CCDC9B: variants seen among roughly 807,000 people sequenced by gnomAD.
The protein encoded by CCDC9B is coiled-coil domain-containing protein 9B.
In CCDC9B, 40 loss-of-function variants were observed where a neutral mutation model predicts 47.2. The observed-to-expected ratio is 0.85, with a 90% CI of 0.66 to 1.10. The LOEUF is 1.10. CCDC9B is among the 50% of genes least tolerant of loss of function. The pLI is 0.00. For missense variants in CCDC9B, 662 were observed against 651.0 expected, an observed-to-expected ratio of 1.02 and a Z score of -0.18; for synonymous variants, 238 against 250.7, an observed-to-expected ratio of 0.95 and a Z score of 0.48.
Position 40,335,149 on chromosome 15 carries a change from G to A in CCDC9B, c.*9C>T, listed in dbSNP as rs1043614440. On this transcript the variant is annotated 3_prime_UTR_variant, in exon 11 of 11. Coordinates refer to ENST00000397536, the MANE Select transcript of CCDC9B (RefSeq NM_207380.3). ...TCCCCGGGGACTCCCCAGCTCCCAGGAGCTGTGTTCAGCATCTTCCTGCCG... is the reference window on the plus strand; with the variant it reads ...TCCCCGGGGACTCCCCAGCTCCCAGAAGCTGTGTTCAGCATCTTCCTGCCG... The A allele has an allele frequency of 6.0e-6, 9 of 1,495,770 alleles. No homozygotes were observed. Among genetic ancestry groups the A allele is most frequent in the Non-Finnish European group, 5.3e-6 (6 of 1,122,974 alleles). The allele number at this position is 1,495,770 out of a possible 1,614,324, so 92.7% of individuals were successfully genotyped here.
At chr15:40,337,202 G>A (rs1449167041) in intron 7 of CCDC9B, 186 bp downstream of exon 7, 3 of 726,602 alleles carry the variant, frequency 4.1e-6, no homozygotes, top group Admixed American at 2.0e-5. Flanking sequence ...AGAGCTGTGG[G>A]CTCAGAGGGG....
intron 4 of CCDC9B, 36 bp downstream of exon 4, chr15:40,338,712 C>T (rs72733403): frequency 0.25 from 408,977 of 1,609,242 alleles, 54,885 homozygotes; most frequent in Non-Finnish European, 0.28. Context: ...GAAGAGGCTG[C>T]CTGCCGATGC....
At chr15:40,336,840 A>C in intron 7 of CCDC9B, 27 bp from the exon 8 acceptor site, 1 of 1,585,320 alleles carries the variant, frequency 6.3e-7, no homozygotes, top group Non-Finnish European at 8.6e-7. Context: ...AAGTGGGGAA[A>C]GGTGGGGTGA....
intron 3 of CCDC9B, 87 bp downstream of exon 3, chr15:40,339,425 A>T: frequency 7.2e-7 from 1 of 1,383,322 alleles, no homozygotes; most frequent in Non-Finnish European, 1.0e-6. Context: ...TTAGTAGGAG[A>T]GGGGAACAGA....
Position 40,337,879 on chromosome 15 carries a change from G to C in CCDC9B, c.528C>G (p.Pro176=), listed in dbSNP as rs1289355132. ...GGGGCTCCCCCACCGGCCGGCTCCA[G>C]GGCTCCCAAGAACCCTGTAGGGAGA... ...SDSARKGSWE[P]WSRPVGEPPE... Residue 176 remains proline, a synonymous_variant, in exon 6 of 11, where the codon CCC becomes CCG. Transcript: ENST00000397536. 1 of 1,599,122 alleles carries C rather than the reference G, an allele frequency of 6.3e-7. No individual in the cohort carries two copies. The highest frequency in any genetic ancestry group is 1.7e-5 in the Admixed American group (1 of 58,726).
Position 40,335,104 on chromosome 15 carries a change from A to G in CCDC9B, c.*54T>C. ...GGCCATCACGCGGAGGGCCTTTAAC[A>G]GAGTGATTCCCTTTTCCTCTCCCCG... is the stretch of plus-strand genomic sequence containing the variant. On this transcript the variant is annotated 3_prime_UTR_variant, in exon 11 of 11. Coordinates refer to ENST00000397536, the MANE Select transcript of CCDC9B (RefSeq NM_207380.3). 1 of 1,451,168 alleles carries G rather than the reference A, an allele frequency of 6.9e-7. No homozygotes were observed. The highest frequency in any genetic ancestry group is 2.3e-5 in the Admixed American group (1 of 43,032). 89.9% of individuals were successfully genotyped at this position (1,451,168 alleles called of 1,614,324 possible).
Position 40,337,832 on chromosome 15 carries a change from G to A in CCDC9B, c.575C>T (p.Ala192Val), listed in dbSNP as rs1888998049. The A allele has an allele frequency of 6.2e-7, 1 of 1,610,366 alleles. No homozygotes were observed. The highest frequency in any genetic ancestry group is 8.5e-7 in the Non-Finnish European group (1 of 1,179,572). The change falls in exon 6 of 11, where the codon GCC becomes GTC. Residue 192 changes from alanine (A) to valine (V), a missense_variant. By Grantham distance (64) the Ala-to-Val change is moderately conservative. Transcript: ENST00000397536. Reference protein sequence around the residue: ...GEPPEAGWDYAQWKQEREQID... With the variant: ...GEPPEAGWDYVQWKQEREQID... ...CTGCTCCCGCTCCTGCTTCCACTGG[G>A]CATAGTCCCAGCCCGCCTCCGGGGG...
chr15:40,340,295 G>A, intron 1 of CCDC9B: 1 of 470,774 alleles, frequency 2.1e-6, no homozygotes, highest in Non-Finnish European at 3.8e-6. Flanking sequence ...CAGCTCTCCA[G>A]GGAGCTTCAC....
intron 5 of CCDC9B, 52 bp from the exon 6 acceptor site, chr15:40,337,945 G>A (rs1462181294): frequency 6.5e-7 from 1 of 1,542,984 alleles, no homozygotes; most frequent in Non-Finnish European, 8.8e-7. Flanking sequence ...AGAGGCTTGG[G>A]GTGGGGTTTG....
At chr15:40,340,489 A>G (rs754442955) in intron 1 of CCDC9B, 4 of 420,960 alleles carry the variant, frequency 9.5e-6, no homozygotes, top group Non-Finnish European at 1.7e-5. Context: ...CCCCGCACCT[A>G]GGCCTGTGCC....
At position 40,339,586 on chromosome 15, in the gene CCDC9B, C is replaced by G. The variant is rs552041536; in HGVS notation, c.157G>C (p.Gly53Arg). The G allele has an allele frequency of 1.5e-5, 24 of 1,613,726 alleles. No homozygotes were observed. Among genetic ancestry groups the G allele is most frequent in the African/African-American group, 1.1e-4 (8 of 75,000 alleles). The change falls in exon 3 of 11, where the codon GGG becomes CGG. Residue 53 changes from glycine (G) to arginine (R), a missense_variant. Coordinates refer to ENST00000397536, the MANE Select transcript of CCDC9B (RefSeq NM_207380.3). Reference protein sequence around the residue: ...IQEDRRQAEQGGMAVTTPALL... With the variant: ...IQEDRRQAEQRGMAVTTPALL... ...GCTGGTGTGGTCACAGCCATCCCCC[C>G]CTGCTCTGCCTGCCGACGGTCCTCC...
At position 40,338,768 on chromosome 15, in the gene CCDC9B, T is replaced by C; in HGVS notation, c.367A>G (p.Thr123Ala). The C allele has an allele frequency of 6.2e-7, 1 of 1,613,570 alleles. No individual in the cohort carries two copies. Residue 123 changes from threonine to alanine, a missense_variant, in exon 4 of 11, where the codon ACC (threonine) becomes GCC (alanine). By Grantham distance (58) the Thr-to-Ala change is moderately conservative. Coordinates refer to ENST00000397536, the MANE Select transcript of CCDC9B (RefSeq NM_207380.3). The stretch of plus-strand genomic sequence containing the variant: ...CTCACCTCTGCTTTGTTCTCCATGG[T>C]CACAGCCAGCTCCACCAGCTCCCCT... ...CLGELVELAV[T>A]MENKAEGKRI...
At position 40,338,859 on chromosome 15, in the gene CCDC9B, TC is replaced by T. The variant is rs1566908307; in HGVS notation, c.275del (p.Gly92AspfsTer4). On this transcript the variant is annotated frameshift_variant, in exon 4 of 11. Coordinates refer to ENST00000397536, the MANE Select transcript of CCDC9B (RefSeq NM_207380.3). LOFTEE classifies it high-confidence loss of function. ...VSRNWARGTC[G>X]PRVTNEMLED... ...CAAGCATCTCGTTGGTCACTCTGGG[TC>T]CACAGGTACCCCTTGCCCAGTTCCT... 6.2e-7 allele frequency: 1 copy of T among 1,614,170 alleles called. No homozygotes were observed. The highest frequency in any genetic ancestry group is 1.7e-5 in the Admixed American group (1 of 60,022).
At chr15:40,340,517 C>T (rs1889068392) in intron 1 of CCDC9B, 2 of 460,434 alleles carry the variant, frequency 4.3e-6, no homozygotes, top group African/African-American at 2.0e-5. Context: ...GAGGAAAGAG[C>T]CGCTCCCAGG....
At chr15:40,335,889 C>G in intron 9 of CCDC9B, 63 bp from the exon 10 acceptor site, 1 of 1,570,540 alleles carries the variant, frequency 6.4e-7, no homozygotes, top group Non-Finnish European at 8.6e-7. Flanking sequence ...GTCCCCCTGC[C>G]TGAATAGAGG....
At chr15:40,338,459 T>C in intron 5 of CCDC9B, 76 bp downstream of exon 5, 1 of 1,535,198 alleles carries the variant, frequency 6.5e-7, no homozygotes, top group Non-Finnish European at 8.9e-7. Context: ...ATGAGGGACA[T>C]ATCTGACTCA....
Position 40,337,901 on chromosome 15 carries a change from G to T in CCDC9B, c.514-8C>A, listed in dbSNP as rs745332625. ...CCAGGGCTCCCAAGAACCCTGTAGG[G>T]AGAAGACACTCAGAGTGAGGGGGAG... On this transcript the variant is annotated splice_region_variant and splice_polypyrimidine_tract_variant and intron_variant, in intron 5 of 10. Transcript: ENST00000397536. The T allele has an allele frequency of 3.8e-6, 6 of 1,591,064 alleles. No homozygotes were observed. The highest frequency in any genetic ancestry group is 1.7e-5 in the Admixed American group (1 of 57,938).
At chr15:40,339,723 G>T (rs1889047470) in intron 2 of CCDC9B, 104 bp from the exon 3 acceptor site, 7 of 1,542,984 alleles carry the variant, frequency 4.5e-6, no homozygotes, top group Non-Finnish European at 6.1e-6. Context: ...ACACCAGGGG[G>T]CAGAGGCGCC....
chr15:40,337,227 T>C, intron 7 of CCDC9B, 161 bp downstream of exon 7: 1 of 760,964 alleles, frequency 1.3e-6, no homozygotes, highest in Non-Finnish European at 2.3e-6. Context: ...TGGGAGGTCT[T>C]GGTGCCCTCC....
Sources: allele counts gnomAD v4.1 joint callset, GRCh38; gene constraint gnomAD v4.1.1; transcripts MANE v1.5; gene names NCBI Gene and HGNC (gene_info 2026-07-23, HGNC 2026-07-21).